The following SLC16A12 variants were observed in gnomAD, a reference collection of about 807,000 sequenced individuals.
The protein encoded by SLC16A12 is solute carrier family 16 member 12.
SLC16A12 carries 17 observed loss-of-function variants against 42.4 expected under a neutral mutation model. The observed-to-expected ratio is 0.40, with a 90% CI of 0.27 to 0.60. SLC16A12 has a LOEUF of 0.60. SLC16A12 is among the 20% of genes least tolerant of loss of function. The probability of loss-of-function intolerance (pLI) is 0.42; values close to 1 mark genes in which losing one functional copy is unlikely to be tolerated. For synonymous variants in SLC16A12, 224 were observed against 229.4 expected, an observed-to-expected ratio of 0.98 and a Z score of 0.21; for missense variants, 544 against 623.0, an observed-to-expected ratio of 0.87 and a Z score of 1.35.
Position 89,446,934 on chromosome 10 carries a change from C to G in SLC16A12, c.201-3075G>C, listed in dbSNP as rs186806822. On this transcript the variant is annotated intron_variant, in intron 3 of 7. Coordinates refer to ENST00000371790, the MANE Select transcript of SLC16A12 (RefSeq NM_213606.4). ...GAAGATCTACCAAGCAAATGGAAAG[C>G]AAAAAAAAAGCAGGGGTTGCAATCC... Among the ~76,000 whole-genome samples the G allele has an allele frequency of 6.6e-4, 97 of 147,878 alleles. 2 individuals are homozygous for G. The East Asian group carries it at 0.019, about 28-fold the overall frequency.
intron 2 of SLC16A12, among the ~76,000 whole-genome samples, chr10:89,486,659 G>A (rs1301199719): frequency 1.1e-4 from 5 of 46,590 alleles, no homozygotes; most frequent in African/African-American, 3.0e-4. Flanking sequence ...AAGAAAGAAA[G>A]AAAGAAAAGA....
intron 2 of SLC16A12, among the ~76,000 whole-genome samples, chr10:89,521,485 A>T (rs1393372099): frequency 6.6e-6 from 1 of 152,232 alleles, no homozygotes; most frequent in Non-Finnish European, 1.5e-5. Flanking sequence ...ACAGCTGTAC[A>T]AAGGAAACAC....
rs183248568 is a variant in SLC16A12, at chr10:89,485,522, C to G, written c.-46-22898G>C. On this transcript the variant is annotated intron_variant, in intron 2 of 7. Coordinates refer to ENST00000371790, the MANE Select transcript of SLC16A12 (RefSeq NM_213606.4). ...CCACTTACCATTCCACAAAAGTTCT[C>G]CATTTCCTAACAGCAGTTTAATGAG... Among the ~76,000 whole-genome samples, 6 of 152,294 alleles carry G rather than the reference C, an allele frequency of 3.9e-5. No homozygotes were observed. The East Asian group carries it at 1.2e-3, about 29-fold the overall frequency.
At position 89,433,194 on chromosome 10, in the gene SLC16A12, A is replaced by G. The variant is rs778601696; in HGVS notation, c.1421T>C (p.Ile474Thr). The G allele has an allele frequency of 1.9e-6, 3 of 1,614,238 alleles. No individual in the cohort carries two copies. The highest frequency in any genetic ancestry group is 2.5e-6 in the Non-Finnish European group (3 of 1,180,036). ...CAGCTTAGGATCAGATTCTTTGGCA[A>G]TGAACTGCAACTGGGTTTTTCTCAT... The part of the protein sequence containing the change: ...KRMRKTQLQF[I>T]AKESDPKLQL... The change falls in exon 8 of 8, where the codon ATT (isoleucine) becomes ACT (threonine). Residue 474 changes from isoleucine (I) to threonine (T), a missense_variant. Transcript: ENST00000371790.
At chr10:89,440,051 C>T in intron 5 of SLC16A12, among the ~76,000 whole-genome samples, 1 of 126,434 alleles carries the variant, frequency 7.9e-6, no homozygotes, top group Non-Finnish European at 1.6e-5. Flanking sequence ...AGCCTGAGGA[C>T]CGAGCCAGAT....
chr10:89,537,139 A>T (rs66871304), upstream of SLC16A12, among the ~76,000 whole-genome samples: 14,169 of 133,666 alleles, frequency 0.11, 737 homozygotes, highest in East Asian at 0.13. Context: ...AAGGCACCGT[A>T]GGTATGTTTT....
chr10:89,533,339 G>A (rs533367339), intron 2 of SLC16A12, among the ~76,000 whole-genome samples: 48 of 152,116 alleles, frequency 3.2e-4, no homozygotes, highest in African/African-American at 1.1e-3. Flanking sequence ...AGCTCTATAG[G>A]ATCAAAGTTC....
intron 2 of SLC16A12, among the ~76,000 whole-genome samples, chr10:89,502,809 A>G (rs1843007513): frequency 6.6e-6 from 1 of 152,222 alleles, no homozygotes; most frequent in Admixed American, 6.5e-5. Context: ...TTAATTTGGC[A>G]GAGGATCAGG....
At chr10:89,540,638 C>T (rs928985374) in intron 2 of SLC16A12, among the ~76,000 whole-genome samples, 1 of 152,080 alleles carries the variant, frequency 6.6e-6, no homozygotes, top group East Asian at 1.9e-4. Flanking sequence ...CACTTGCATT[C>T]TCCCTACACC....
At chr10:89,516,974 G>A (rs1261641547) in intron 2 of SLC16A12, among the ~76,000 whole-genome samples, 2 of 152,212 alleles carry the variant, frequency 1.3e-5, no homozygotes, top group African/African-American at 4.8e-5. Context: ...TGTAATTCCA[G>A]CATTTTGGGA....
chr10:89,476,491 A>G (rs548833377), intron 2 of SLC16A12, among the ~76,000 whole-genome samples: 71 of 152,268 alleles, frequency 4.7e-4, no homozygotes, highest in African/African-American at 1.6e-3. Context: ...CCCTAAGAGG[A>G]GGGACCCTGG....
chr10:89,534,413 C>G (rs566877187), intron 2 of SLC16A12, 88 bp downstream of exon 2: 1 of 152,320 alleles, frequency 6.6e-6, no homozygotes, highest in Admixed American at 6.5e-5. Flanking sequence ...GCGGGAGTGC[C>G]TAGCTCTGAG....
intron 2 of SLC16A12, among the ~76,000 whole-genome samples, chr10:89,465,697 C>CTTAA (rs1294001722): frequency 1.3e-5 from 2 of 152,170 alleles, no homozygotes; most frequent in Non-Finnish European, 2.9e-5. Context: ...GGTAGTCCGT[C>CTTAA]CCTTCCTCTA....
chr10:89,496,216 T>G (rs1485181953), intron 2 of SLC16A12, among the ~76,000 whole-genome samples: 14 of 150,586 alleles, frequency 9.3e-5, no homozygotes, highest in Admixed American at 9.2e-4. Flanking sequence ...GAAAGAAAAA[T>G]TCAAAGAAAA....
chr10:89,488,444 C>T (rs1478226425), intron 2 of SLC16A12, among the ~76,000 whole-genome samples: 1 of 152,180 alleles, frequency 6.6e-6, no homozygotes, highest in African/African-American at 2.4e-5. Flanking sequence ...ACACCTTGCA[C>T]AGCAGAATTT....
Position 89,432,969 on chromosome 10 carries a change from A to T in SLC16A12, c.*95T>A, listed in dbSNP as rs979276550. The T allele has an allele frequency of 2.3e-4, 348 of 1,507,532 alleles. No individual in the cohort carries two copies. Among genetic ancestry groups the T allele is most frequent in the Non-Finnish European group, 2.2e-4 (242 of 1,112,448 alleles). 93.4% of individuals were successfully genotyped at this position (1,507,532 alleles called of 1,614,324 possible). On this transcript the variant is annotated 3_prime_UTR_variant, in exon 8 of 8. Coordinates refer to ENST00000371790, the MANE Select transcript of SLC16A12 (RefSeq NM_213606.4). ...AATAATAATAATTTCCTTGGAAGGC[A>T]ATCCTTCTGCCAAAATAAAAAGTTT...
intron 2 of SLC16A12, among the ~76,000 whole-genome samples, chr10:89,552,115 T>C (rs1843774358): frequency 6.6e-6 from 1 of 152,130 alleles, no homozygotes; most frequent in Admixed American, 6.5e-5. Flanking sequence ...TTTGTATTTT[T>C]AGTAGAGACA....
chr10:89,536,355 C>T (rs576584718), upstream of SLC16A12, among the ~76,000 whole-genome samples: 28 of 152,194 alleles, frequency 1.8e-4, no homozygotes, highest in African/African-American at 6.3e-4. Context: ...GTCAAAAGGA[C>T]CTGGGTTCAA....
At chr10:89,544,050 C>T (rs1049539631) in intron 2 of SLC16A12, among the ~76,000 whole-genome samples, 1 of 152,156 alleles carries the variant, frequency 6.6e-6, no homozygotes, top group African/African-American at 2.4e-5. Flanking sequence ...CCGTATAACA[C>T]CTTTGTTGTT....
Sources: gnomAD v4.1 joint callset for allele counts (sites outside exome capture counted in the v4.1 genomes callset) on GRCh38, gnomAD v4.1.1 for gene constraint, MANE v1.5 for transcripts, NCBI Gene and HGNC (gene_info 2026-07-23, HGNC 2026-07-21) for gene names.